Variants in ZGRF1 observed in about 807,000 individuals in gnomAD.
ZGRF1 encodes the protein zinc finger GRF-type containing 1.
In ZGRF1, 196 loss-of-function variants were observed where a neutral mutation model predicts 203.5. The ratio of observed to expected loss-of-function variants is 0.96; its 90% CI spans 0.86 to 1.08. ZGRF1 has a LOEUF of 1.08. Among genes scored for constraint, ZGRF1 ranks in the 50% least tolerant of loss-of-function variants. The pLI, the probability that ZGRF1 is intolerant of heterozygous loss-of-function variation, is 0.00. For missense variants in ZGRF1, 2,326 were observed against 2,416.3 expected, an observed-to-expected ratio of 0.96 and a Z score of 0.78; for synonymous variants, 809 against 841.3, an observed-to-expected ratio of 0.96 and a Z score of 0.66.
intron 4 of ZGRF1, among the ~76,000 whole-genome samples, chr4:112,622,882 G>C (rs544742002): frequency 1.3e-5 from 2 of 152,188 alleles, no homozygotes; most frequent in Admixed American, 1.3e-4. Flanking sequence ...AGGTAAACCC[G>C]TGTCATGGCG....
chr4:112,607,385 T>C (rs1750938083), intron 8 of ZGRF1, among the ~76,000 whole-genome samples: 1 of 152,236 alleles, frequency 6.6e-6, no homozygotes, highest in African/African-American at 2.4e-5. Context: ...ACCCCTGTCT[T>C]GGCTTCCCAA....
intron 14 of ZGRF1, 71 bp from the exon 15 acceptor site, chr4:112,584,245 G>T: frequency 9.4e-7 from 1 of 1,068,748 alleles, no homozygotes; most frequent in Non-Finnish European, 1.3e-6. Context: ...TTTTGTGTTT[G>T]TCAAGGCTTC....
intron 9 of ZGRF1, among the ~76,000 whole-genome samples, chr4:112,604,478 G>A (rs1045562565): frequency 1.3e-5 from 2 of 152,084 alleles, no homozygotes; most frequent in Admixed American, 1.3e-4. Flanking sequence ...CCCCTTGTGA[G>A]CAGAGATGTT....
Position 112,617,729 on chromosome 4 carries a change from C to T in ZGRF1, c.2313G>A (p.Lys771=), listed in dbSNP as rs375588921. The part of the protein sequence containing the change: ...SNSLFYPLGK[K]HLISKDTEAH... Reference sequence around the variant, plus strand: ...CTTCTGTGTCTTTGGAAATAAGATGCTTTTTTCCCAGTGGGTAAAACAAAG... The same window carrying T: ...CTTCTGTGTCTTTGGAAATAAGATGTTTTTTTCCCAGTGGGTAAAACAAAG... The change falls in exon 6 of 28, where the codon AAG becomes AAA. Residue 771 remains lysine, a synonymous_variant. Transcript: ENST00000505019. The T allele has an allele frequency of 3.2e-5, 52 of 1,613,942 alleles. No individual in the cohort carries two copies. Among genetic ancestry groups the T allele is most frequent in the Non-Finnish European group, 3.9e-5 (46 of 1,179,994 alleles).
At chr4:112,623,787 C>G (rs1438685193) in intron 4 of ZGRF1, 30 bp downstream of exon 4, 1 of 1,204,934 alleles carries the variant, frequency 8.3e-7, no homozygotes, top group Non-Finnish European at 1.2e-6. Flanking sequence ...TAAATAATAA[C>G]TTAAAAATAA....
intron 1 of ZGRF1, among the ~76,000 whole-genome samples, chr4:112,634,302 T>C (rs112806542): frequency 6.6e-6 from 1 of 151,960 alleles, no homozygotes; most frequent in Non-Finnish European, 1.5e-5. Context: ...CAAGGCTTCT[T>C]CAAGGAAGTA....
chr4:112,555,157 C>T (rs114963140), intron 20 of ZGRF1, among the ~76,000 whole-genome samples: 5 of 152,306 alleles, frequency 3.3e-5, no homozygotes, highest in African/African-American at 9.6e-5. Context: ...GTTTAACACT[C>T]ACTACAGCTC....
intron 10 of ZGRF1, among the ~76,000 whole-genome samples, chr4:112,601,791 T>C (rs1750026389): frequency 1.3e-5 from 2 of 149,430 alleles, no homozygotes; most frequent in African/African-American, 4.9e-5. Context: ...CCATTAAGAG[T>C]GAAAAGGTAA....
intron 16 of ZGRF1, chr4:112,565,233 T>C: frequency 6.3e-7 from 1 of 1,595,530 alleles, no homozygotes; most frequent in Non-Finnish European, 8.6e-7. Flanking sequence ...TTAAAACAGA[T>C]CTGCACTTCC....
intron 20 of ZGRF1, among the ~76,000 whole-genome samples, chr4:112,555,034 T>C (rs1438116731): frequency 6.6e-6 from 1 of 152,238 alleles, no homozygotes; most frequent in Non-Finnish European, 1.5e-5. Context: ...AATGCCAATG[T>C]TAGTATTTAC....
chr4:112,584,266 G>A (rs1746783887), intron 14 of ZGRF1, 92 bp from the exon 15 acceptor site: 2 of 744,476 alleles, frequency 2.7e-6, no homozygotes, highest in Non-Finnish European at 4.1e-6. Context: ...TATGAAGACT[G>A]CTTGGCATTA....
In ZGRF1 at chr4:112,612,515, A is replaced by ACCCC; in HGVS notation, c.2667+8_2667+9insGGGG. On this transcript the variant is annotated intron_variant, in intron 7 of 27. Transcript: ENST00000505019. ...AAAAAAAACATACTCTTAGAAAAAA[A>ACCCC]ACCTGTACCTGTTGAGAATCCTTGT... 1 of 1,568,116 alleles carries ACCCC rather than the reference A, an allele frequency of 6.4e-7. No individual in the cohort carries two copies. Among genetic ancestry groups the ACCCC allele is most frequent in the Non-Finnish European group, 8.7e-7 (1 of 1,148,766 alleles).
chr4:112,554,106 G>A, intron 21 of ZGRF1, 124 bp from the exon 22 acceptor site: 1 of 782,286 alleles, frequency 1.3e-6, no homozygotes, highest in South Asian at 1.9e-5. Context: ...ACAATGTGCA[G>A]GTTTGTTACA....
chr4:112,561,692 C>A (rs901582554), intron 18 of ZGRF1, among the ~76,000 whole-genome samples: 30 of 151,856 alleles, frequency 2.0e-4, no homozygotes, highest in African/African-American at 5.8e-4. Flanking sequence ...ATGGCTATAT[C>A]GAGAATAAAA....
chr4:112,543,334 G>A (rs912174026), intron 24 of ZGRF1, among the ~76,000 whole-genome samples: 4 of 152,080 alleles, frequency 2.6e-5, no homozygotes, highest in African/African-American at 7.2e-5. Context: ...ATGAATCTAT[G>A]AATAATATAT....
chr4:112,568,972 C>T (rs972146538), intron 16 of ZGRF1, among the ~76,000 whole-genome samples: 31 of 152,110 alleles, frequency 2.0e-4, no homozygotes, highest in African/African-American at 5.8e-4. Context: ...GCTGAGATCA[C>T]GCCACTGCAC....
At chr4:112,586,251 A>G (rs576193766) in intron 13 of ZGRF1, among the ~76,000 whole-genome samples, 194 bp downstream of exon 13, 2 of 152,066 alleles carry the variant, frequency 1.3e-5, no homozygotes, top group South Asian at 4.2e-4. Flanking sequence ...AAAAAAAAAA[A>G]GAAGATTGTA....
At chr4:112,616,650 C>T (rs1161777625) in intron 6 of ZGRF1, among the ~76,000 whole-genome samples, 1 of 151,640 alleles carries the variant, frequency 6.6e-6, no homozygotes, top group African/African-American at 2.4e-5. Flanking sequence ...GCCTGGCCAA[C>T]ATAGTGAAAC....
intron 9 of ZGRF1, among the ~76,000 whole-genome samples, chr4:112,604,994 T>C (rs1750555781): frequency 6.6e-6 from 1 of 152,202 alleles, no homozygotes. Flanking sequence ...AAAAATCTAA[T>C]TTAAATGCCC....
Sources: allele counts gnomAD v4.1 joint callset (sites outside exome capture counted in the v4.1 genomes callset), GRCh38; gene constraint gnomAD v4.1.1; transcripts MANE v1.5; gene names NCBI Gene and HGNC (gene_info 2026-07-23, HGNC 2026-07-21).